The following NMT2 variants were observed in gnomAD, a reference collection of about 807,000 sequenced individuals.
NMT2 encodes the protein glycylpeptide N-tetradecanoyltransferase 2.
Under a neutral mutation model 65.4 loss-of-function variants are expected in NMT2, and 35 were observed. The observed-to-expected ratio is 0.54, with a 90% CI of 0.41 to 0.71. NMT2 has a LOEUF of 0.71. Ranked by LOEUF, NMT2 falls within the 30% of genes least tolerant of loss-of-function variation. NMT2 has a pLI of 0.00. For missense variants in NMT2, 489 were observed against 611.3 expected (o/e 0.80, Z 2.11); for synonymous variants, 226 against 231.8 (o/e 0.98, Z 0.23).
At chr10:15,124,104 G>A (rs1846008205) in intron 8 of NMT2, among the ~76,000 whole-genome samples, 1 of 152,178 alleles carries the variant, frequency 6.6e-6, no homozygotes. Flanking sequence ...TTGCAGCACA[G>A]TGCTAAGACC....
intron 6 of NMT2, 152 bp from the exon 7 acceptor site, chr10:15,130,464 T>G (rs528770628): frequency 3.3e-6 from 2 of 604,232 alleles, no homozygotes; most frequent in African/African-American, 3.8e-5. Flanking sequence ...CTCAGCACTT[T>G]GGGAGGCCAA....
At chr10:15,147,291 T>C (rs1365941322) in intron 1 of NMT2, among the ~76,000 whole-genome samples, 1 of 152,162 alleles carries the variant, frequency 6.6e-6, no homozygotes, top group Middle Eastern at 3.4e-3. Context: ...TTACAAATAT[T>C]TCCCCCCTGA....
chr10:15,153,537 C>A (rs1832876914), intron 1 of NMT2, among the ~76,000 whole-genome samples: 1 of 152,190 alleles, frequency 6.6e-6, no homozygotes, highest in South Asian at 2.1e-4. Context: ...GAATTTTGTA[C>A]CACACAGCTG....
Position 15,109,696 on chromosome 10 carries a change from A to C in NMT2, c.1476+6T>G, listed in dbSNP as rs1423268184. On this transcript the variant is annotated splice_donor_region_variant and intron_variant, in intron 11 of 11. Coordinates refer to ENST00000378165, the MANE Select transcript of NMT2 (RefSeq NM_004808.3). ...AGTTTACAAGGGCTATATCCATTTC[A>C]CTTACCTTTTCAGAATCTGTACCTG... is the stretch of plus-strand genomic sequence containing the variant. 1 of 1,604,050 alleles carries C rather than the reference A, an allele frequency of 6.2e-7. No individual in the cohort carries two copies. The highest frequency in any genetic ancestry group is 1.3e-5 in the African/African-American group (1 of 74,414).
intron 6 of NMT2, among the ~76,000 whole-genome samples, chr10:15,130,786 C>CTTTTTTTTTTTTT (rs765987022): frequency 2.0e-5 from 2 of 101,206 alleles, no homozygotes; most frequent in African/African-American, 3.8e-5. Flanking sequence ...TTCTTTCTTT[C>CTTTTTTTTTTTTT]TTTTTTTTTT....
At chr10:15,137,079 G>T (rs921121730) in intron 2 of NMT2, among the ~76,000 whole-genome samples, 4 of 152,108 alleles carry the variant, frequency 2.6e-5, no homozygotes, top group Admixed American at 2.6e-4. Flanking sequence ...ACCATTGAAA[G>T]GTACAATCGA....
intron 1 of NMT2, among the ~76,000 whole-genome samples, chr10:15,147,090 G>T (rs1252284267): frequency 1.4e-5 from 1 of 70,080 alleles, no homozygotes; most frequent in African/African-American, 5.6e-5. Flanking sequence ...AGATCCTCTC[G>T]CTCTCAAAAA....
intron 6 of NMT2, among the ~76,000 whole-genome samples, chr10:15,132,122 C>T (rs1372258916): frequency 2.6e-5 from 4 of 152,110 alleles, no homozygotes; most frequent in Admixed American, 6.5e-5. Flanking sequence ...GCCTCGGCCC[C>T]GACCAAAGTC....
In NMT2 at chr10:15,108,769, C is replaced by G; in HGVS notation, c.*426G>C. 9.8e-7 allele frequency: 1 copy of G among 1,020,508 alleles called. No individual in the cohort carries two copies. Among genetic ancestry groups the G allele is most frequent in the Non-Finnish European group, 1.2e-6 (1 of 853,918 alleles). 63.2% of individuals were successfully genotyped at this position (1,020,508 alleles called of 1,614,324 possible). A position where few individuals can be genotyped will look rare whatever the true frequency, so the allele number is the denominator to read the frequency against. On this transcript the variant is annotated 3_prime_UTR_variant, in exon 12 of 12. Transcript: ENST00000378165. ...AAAATTTCCAAATGGATCTTTTGTT[C>G]TGTTACATGGACAAATGTACCATCA...
chr10:15,128,111 TCA>T (rs1183900506), intron 8 of NMT2, among the ~76,000 whole-genome samples: 4 of 152,188 alleles, frequency 2.6e-5, no homozygotes. Context: ...TGCCTTGAGT[TCA>T]GTCTTATCCA....
chr10:15,168,492 G>C lies in NMT2; in HGVS notation c.110+11C>G. ...CCTGTCGCGCCCGGTGCGCCAGCGC[G>C]CCGCCCCTACCCTTTGGCGTGCTCC... is the stretch of plus-strand genomic sequence containing the variant. On this transcript the variant is annotated intron_variant, in intron 1 of 11. Coordinates refer to ENST00000378165, the MANE Select transcript of NMT2 (RefSeq NM_004808.3). 1 of 1,569,438 alleles carries C rather than the reference G, an allele frequency of 6.4e-7. No individual in the cohort carries two copies.
At position 15,151,471 on chromosome 10, in the gene NMT2, C is replaced by T. The variant is rs147865104; in HGVS notation, c.111-9914G>A. Among the ~76,000 whole-genome samples the T allele has an allele frequency of 4.4e-3, 668 of 152,292 alleles. 5 individuals are homozygous for T. The highest frequency in any genetic ancestry group is 0.015 in the African/African-American group (631 of 41,562). On this transcript the variant is annotated intron_variant, in intron 1 of 11. Transcript: ENST00000378165. ...AAACTTTCATATAACACTCATTGGCCAGAAACACGTCTCACATGAAGTTTA... is the reference window on the plus strand; with the variant it reads ...AAACTTTCATATAACACTCATTGGCTAGAAACACGTCTCACATGAAGTTTA...
At chr10:15,140,014 G>A (rs534943828) in intron 2 of NMT2, among the ~76,000 whole-genome samples, 2 of 151,282 alleles carry the variant, frequency 1.3e-5, no homozygotes, top group East Asian at 3.9e-4. Context: ...GCTGAAGGAA[G>A]TGCAGTACCC....
intron 2 of NMT2, among the ~76,000 whole-genome samples, chr10:15,138,739 A>C (rs1208577990): frequency 6.6e-6 from 1 of 152,206 alleles, no homozygotes; most frequent in Non-Finnish European, 1.5e-5. Flanking sequence ...ACTGTAATTT[A>C]CAGTGCTATC....
intron 2 of NMT2, chr10:15,138,515 C>T (rs902413029): frequency 4.3e-6 from 2 of 470,222 alleles, no homozygotes; most frequent in African/African-American, 4.0e-5. Flanking sequence ...GATTCCACTC[C>T]TATATAAGAG....
rs766751929 is a variant in NMT2 at position 15,119,486 on chromosome 10, T to C, written c.1027A>G (p.Met343Val). Reference protein sequence around the residue: ...DVTKTSGLRPMEPKDIKSVRE... With the variant: ...DVTKTSGLRPVEPKDIKSVRE... The stretch of plus-strand genomic sequence containing the variant: ...ACTGATTTGATATCTTTTGGTTCCA[T>C]TGGTCTCAAACCTGAAGTCTTTGTA... Residue 343 changes from methionine (M) to valine (V), a missense_variant, in exon 9 of 12, where the codon ATG (methionine) becomes GTG (valine). Coordinates refer to ENST00000378165, the MANE Select transcript of NMT2 (RefSeq NM_004808.3). 29 of 1,614,064 alleles carry C rather than the reference T, an allele frequency of 1.8e-5. No homozygotes were observed. Among genetic ancestry groups the C allele is most frequent in the East Asian group, 4.5e-5 (2 of 44,886 alleles).
At chr10:15,123,544 A>G (rs1589304822) in intron 8 of NMT2, among the ~76,000 whole-genome samples, 1 of 151,860 alleles carries the variant, frequency 6.6e-6, no homozygotes, top group African/African-American at 2.4e-5. Flanking sequence ...AAAAAAAAAA[A>G]AAAAAAAAAA....
chr10:15,154,680 G>A, intron 1 of NMT2: 1 of 451,276 alleles, frequency 2.2e-6, no homozygotes, highest in East Asian at 4.9e-5. Flanking sequence ...GGAACCCAAA[G>A]GGAAATGCAG....
At chr10:15,116,799 C>T (rs1315907602) in intron 9 of NMT2, among the ~76,000 whole-genome samples, 1 of 152,096 alleles carries the variant, frequency 6.6e-6, no homozygotes, top group Non-Finnish European at 1.5e-5. Flanking sequence ...ATTAATTACA[C>T]TCATACATTC....
Sources: allele counts gnomAD v4.1 joint callset (sites outside exome capture counted in the v4.1 genomes callset), GRCh38; gene constraint gnomAD v4.1.1; transcripts MANE v1.5; gene names NCBI Gene and HGNC (gene_info 2026-07-23, HGNC 2026-07-21).